SLC35F5: variants seen among roughly 807,000 people sequenced by gnomAD.
The protein encoded by SLC35F5 is solute carrier family 35 member F5.
SLC35F5 carries 54 observed loss-of-function variants against 68.6 expected under a neutral mutation model. The ratio of observed to expected loss-of-function variants is 0.79; its 90% CI spans 0.63 to 0.99. The LOEUF (loss-of-function observed/expected upper bound fraction) is 0.99. SLC35F5 is among the 50% of genes least tolerant of loss of function. The pLI is 0.00. For synonymous variants in SLC35F5, 211 were observed against 205.2 expected (o/e 1.03, Z -0.24); for missense variants, 567 against 626.9 (o/e 0.90, Z 1.02).
chr2:113,725,880 T>C (rs1446444195), intron 11 of SLC35F5: 1 of 165,266 alleles, frequency 6.1e-6, no homozygotes, highest in East Asian at 1.7e-4. Context: ...CTGGTATGTA[T>C]GTGTTTGTGT....
rs1246151414 is a variant in SLC35F5, at chr2:113,723,177, G to A, written c.1268C>T (p.Ser423Leu). 2.5e-6 allele frequency: 4 copies of A among 1,589,184 alleles called. No individual in the cohort carries two copies. The highest frequency in any genetic ancestry group is 3.5e-4 in the Middle Eastern group (2 of 5,752). ...TAGTGCAAGTGTGCCTATCAATGAT[G>A]AGGTAAGAAAGCAGCCCCTAAAAAA... ...FLWLWGCFLTSSLIGTLALSL... is the reference protein window; with the variant it reads ...FLWLWGCFLTLSLIGTLALSL... Residue 423 changes from serine (S) to leucine (L), a missense_variant, in exon 13 of 16, where the codon TCA (serine) becomes TTA (leucine). Physicochemically the swap from Ser to Leu is moderately radical, Grantham distance 145 (BLOSUM62 -2). Transcript: ENST00000245680.
intron 3 of SLC35F5, 90 bp from the exon 4 acceptor site, chr2:113,750,658 C>T: frequency 1.7e-6 from 2 of 1,176,590 alleles, no homozygotes; most frequent in Non-Finnish European, 2.3e-6. Context: ...TGATTTTTAA[C>T]TCTTCAGAAG....
In SLC35F5 at chr2:113,713,614, C is replaced by G. The variant is rs192627942; in HGVS notation, c.*1604G>C. ...TTTAAAAGAAAATTCCTCAGAAGTC[C>G]ACATTCTTTACATGCCTTCACCCTG... On this transcript the variant is annotated 3_prime_UTR_variant, in exon 16 of 16. Coordinates refer to ENST00000245680, the MANE Select transcript of SLC35F5 (RefSeq NM_025181.5). 5 of 151,638 alleles carry G rather than the reference C, an allele frequency of 3.3e-5. No individual in the cohort carries two copies. Among genetic ancestry groups the G allele is most frequent in the Non-Finnish European group, 5.9e-5 (4 of 67,912 alleles). 9.4% of individuals were successfully genotyped at this position (151,638 alleles called of 1,614,324 possible).
downstream of SLC35F5, chr2:113,705,161 T>G (rs547830447): frequency 3.9e-5 from 6 of 152,302 alleles, no homozygotes; most frequent in East Asian, 1.2e-3. Flanking sequence ...CTTTTGAAAC[T>G]GAAAGGGGCA....
At chr2:113,756,184 A>T in intron 1 of SLC35F5, 186 bp downstream of exon 1, 1 of 1,470,610 alleles carries the variant, frequency 6.8e-7, no homozygotes. Flanking sequence ...CGGCTTCCTC[A>T]ATTGCCAGCG....
At position 113,710,121 on chromosome 2, in the gene SLC35F5, C is replaced by A. The variant is rs1392836560; in HGVS notation, c.*5097G>T. ...ATGAGCCTGTGTTCTCCCCTCTCTTCCAATAATGTGTATTCAACAAGGCCT... is the reference window on the plus strand; with the variant it reads ...ATGAGCCTGTGTTCTCCCCTCTCTTACAATAATGTGTATTCAACAAGGCCT... On this transcript the variant is annotated 3_prime_UTR_variant, in exon 16 of 16. Transcript: ENST00000245680. Among the ~76,000 whole-genome samples, 1 of 152,164 alleles carries A rather than the reference C, an allele frequency of 6.6e-6. No individual in the cohort carries two copies. Among genetic ancestry groups the A allele is most frequent in the Non-Finnish European group, 1.5e-5 (1 of 68,026 alleles).
intron 11 of SLC35F5, among the ~76,000 whole-genome samples, chr2:113,726,941 A>G (rs977448867): frequency 1.3e-5 from 2 of 151,958 alleles, no homozygotes; most frequent in Non-Finnish European, 2.9e-5. Context: ...CAAATTCCCC[A>G]TCTCATATCC....
chr2:113,750,019 A>G (rs188924802), intron 4 of SLC35F5, among the ~76,000 whole-genome samples: 1 of 152,330 alleles, frequency 6.6e-6, no homozygotes, highest in Admixed American at 6.5e-5. Context: ...GTCTGGAAAT[A>G]TGATATTTTC....
chr2:113,718,921 GAAAGAAAA>G (rs1559318283), intron 14 of SLC35F5, among the ~76,000 whole-genome samples: 3 of 67,782 alleles, frequency 4.4e-5, no homozygotes, highest in East Asian at 5.4e-4. Flanking sequence ...AAGAAAGAAA[GAAAGAAAA>G]AGAAAGGAAG....
intron 13 of SLC35F5, chr2:113,721,374 A>G (rs1687427714): frequency 6.5e-6 from 1 of 153,750 alleles, no homozygotes; most frequent in African/African-American, 2.4e-5. Flanking sequence ...GCAATCAGTT[A>G]AAGTTTGGTT....
chr2:113,746,179 T>C (rs1188877906), intron 5 of SLC35F5, 98 bp downstream of exon 5: 6 of 876,754 alleles, frequency 6.8e-6, no homozygotes, highest in South Asian at 2.7e-5. Flanking sequence ...GCCATATCTA[T>C]GTTGTAATAC....
At chr2:113,715,291 G>A (rs140986408) in intron 15 of SLC35F5, 96 bp from the exon 16 acceptor site, 7 of 152,234 alleles carry the variant, frequency 4.6e-5, no homozygotes, top group Non-Finnish European at 1.0e-4. Flanking sequence ...TCTTAAAATT[G>A]AAATACCTAT....
intron 4 of SLC35F5, among the ~76,000 whole-genome samples, chr2:113,749,636 G>T (rs1177040044): frequency 1.3e-5 from 2 of 152,176 alleles, no homozygotes; most frequent in Non-Finnish European, 2.9e-5. Context: ...GGTTACTAGG[G>T]TTTGGAGGGA....
chr2:113,705,648 G>C (rs941252718), downstream of SLC35F5: 1 of 152,090 alleles, frequency 6.6e-6, no homozygotes, highest in African/African-American at 2.4e-5. Flanking sequence ...AAAATAATTA[G>C]TAGATGAAGA....
At position 113,712,386 on chromosome 2, in the gene SLC35F5, G is replaced by A. The variant is rs2104955057; in HGVS notation, c.*2832C>T. Among the ~76,000 whole-genome samples, 1 of 152,034 alleles carries A rather than the reference G, an allele frequency of 6.6e-6. No individual in the cohort carries two copies. The highest frequency in any genetic ancestry group is 1.9e-4 in the East Asian group (1 of 5,170). Reference sequence around the variant, plus strand: ...GGCTGGAGTGCAGGGGCACGATCTCGGCTCACTGCAGGCTCCGCCTCCCGG... The same window carrying A: ...GGCTGGAGTGCAGGGGCACGATCTCAGCTCACTGCAGGCTCCGCCTCCCGG... On this transcript the variant is annotated 3_prime_UTR_variant, in exon 16 of 16. Coordinates refer to ENST00000245680, the MANE Select transcript of SLC35F5 (RefSeq NM_025181.5).
At chr2:113,719,859 A>C (rs1687356096) in intron 13 of SLC35F5, 1 of 152,140 alleles carries the variant, frequency 6.6e-6, no homozygotes, top group Non-Finnish European at 1.5e-5. Context: ...TCAAAATGAA[A>C]TAATGACCAA....
In SLC35F5 at chr2:113,708,867, A is replaced by G. The variant is rs953546175; in HGVS notation, c.*6351T>C. ...TGAAAACTATACCTTTTGAACATGC[A>G]TTAGGTAACCAGGGGGCAACAGAGT... On this transcript the variant is annotated 3_prime_UTR_variant, in exon 16 of 16. Transcript: ENST00000245680. 3.9e-5 allele frequency among the ~76,000 whole-genome samples: 6 copies of G among 152,196 alleles called. No individual in the cohort carries two copies. The highest frequency in any genetic ancestry group is 1.3e-4 in the Admixed American group (2 of 15,278).
intron 8 of SLC35F5, 137 bp downstream of exon 8, chr2:113,735,640 A>T: frequency 1.9e-6 from 1 of 540,278 alleles, no homozygotes; most frequent in Admixed American, 3.6e-5. Flanking sequence ...ATTAAAAGGC[A>T]GTTGTAATAG....
chr2:113,750,648 T>C lies in SLC35F5; in HGVS notation c.274-80A>G, dbSNP rs1676699168. On this transcript the variant is annotated intron_variant, in intron 3 of 15. Coordinates refer to ENST00000245680, the MANE Select transcript of SLC35F5 (RefSeq NM_025181.5). ...TCATCTCCAAAATAAAGTCACTACA[T>C]GATTTTTAACTCTTCAGAAGTTCAC... 5 of 1,273,334 alleles carry C rather than the reference T, an allele frequency of 3.9e-6. No individual in the cohort carries two copies. The East Asian group carries it at 1.3e-4, about 33-fold the overall frequency. The allele number at this position is 1,273,334 out of a possible 1,614,324, so 78.9% of individuals were successfully genotyped here.
Sources: gnomAD v4.1 joint callset for allele counts (sites outside exome capture counted in the v4.1 genomes callset) on GRCh38, gnomAD v4.1.1 for gene constraint, MANE v1.5 for transcripts, NCBI Gene and HGNC (gene_info 2026-07-23, HGNC 2026-07-21) for gene names.